Variants in ZNF217 observed in about 807,000 individuals in gnomAD.
ZNF217 encodes the protein zinc finger protein 217.
ZNF217 carries 12 observed loss-of-function variants against 73.3 expected under a neutral mutation model. The ratio of observed to expected loss-of-function variants is 0.16; its 90% CI spans 0.10 to 0.27. ZNF217 has a LOEUF of 0.27. Ranked by LOEUF, ZNF217 falls within the 10% of genes least tolerant of loss-of-function variation. The pLI is 1.00. For missense variants in ZNF217, 1,195 were observed against 1,327.8 expected, an observed-to-expected ratio of 0.90 and a Z score of 1.55; for synonymous variants, 588 against 516.4, an observed-to-expected ratio of 1.14 and a Z score of -1.88.
chr20:53,595,137 GAAAAAAAGGACAAA>G (rs1200828769), upstream of ZNF217, among the ~76,000 whole-genome samples: 1 of 148,254 alleles, frequency 6.7e-6, no homozygotes, highest in East Asian at 2.0e-4. Context: ...TTTCCTTACT[GAAAAAAAGGACAAA>G]AAAAAGATCC....
chr20:53,593,348 C>T (rs1055034456), intron 1 of ZNF217, among the ~76,000 whole-genome samples: 1 of 152,170 alleles, frequency 6.6e-6, no homozygotes, highest in African/African-American at 2.4e-5. Flanking sequence ...CGACGTTCCC[C>T]CTCCGCCCGC....
Position 53,577,098 on chromosome 20 carries a change from T to G in ZNF217, c.1666A>C (p.Asn556His). ...GCACCATCAAAAAATCTTTTCAAAT[T>G]TTTGGTTTGCGCACTGTCAGCGGTT... ...LLTADSAQTK[N>H]LKRFFDGAKD... The change falls in exon 4 of 6, where the codon AAT becomes CAT. Residue 556 changes from asparagine (N) to histidine (H), a missense_variant. Transcript: ENST00000371471. The G allele has an allele frequency of 6.2e-7, 1 of 1,614,174 alleles. No individual in the cohort carries two copies. Among genetic ancestry groups the G allele is most frequent in the Non-Finnish European group, 8.5e-7 (1 of 1,180,036 alleles).
upstream of ZNF217, among the ~76,000 whole-genome samples, chr20:53,594,474 C>G (rs998152149): frequency 6.6e-6 from 1 of 151,154 alleles, no homozygotes; most frequent in Admixed American, 6.6e-5. Flanking sequence ...GGGACGGGAG[C>G]GAGCGGCGAG....
chr20:53,587,704 TCTGGCCAATGCATTTG>T (rs1449481224), intron 1 of ZNF217, among the ~76,000 whole-genome samples: 1 of 150,794 alleles, frequency 6.6e-6, no homozygotes, highest in African/African-American at 2.4e-5. Flanking sequence ...ATTGCTATTC[TCTGGCCAATGCATTTG>T]TACCCTGAAA....
rs1445054076 is a variant in ZNF217, at chr20:53,582,344, G to A, written c.483C>T (p.Cys161=). The change falls in exon 2 of 6, where the codon TGC becomes TGT. Residue 161 remains cysteine (C), a synonymous_variant. Coordinates refer to ENST00000371471, the MANE Select transcript of ZNF217 (RefSeq NM_006526.3). The surrounding 1 kb of genome is among the most constrained non-coding windows in gnomAD (Gnocchi z 4.8). ...ACCAAGGCTCCTTGAATCTTCTTCCGCACATGTTACACCCGTAAGTGAAAG... is the reference window on the plus strand; with the variant it reads ...ACCAAGGCTCCTTGAATCTTCTTCCACACATGTTACACCCGTAAGTGAAAG... The part of the protein sequence containing the change: ...KDSFTYGCNM[C]GRRFKEPWFL... The A allele has an allele frequency of 1.9e-6, 3 of 1,612,938 alleles. No individual in the cohort carries two copies. The highest frequency in any genetic ancestry group is 1.7e-6 in the Non-Finnish European group (2 of 1,179,530).
rs968854756 is a variant in ZNF217, at chr20:53,581,234, C to A, written c.1366+227G>T. Reference sequence around the variant, plus strand: ...AAAAAATATATATATATTTTCAGAACAAGGAGACCTCTTAACTCAACCCTG... The same window carrying A: ...AAAAAATATATATATATTTTCAGAAAAAGGAGACCTCTTAACTCAACCCTG... On this transcript the variant is annotated intron_variant, in intron 2 of 5. Coordinates refer to ENST00000371471, the MANE Select transcript of ZNF217 (RefSeq NM_006526.3). This position sits in a 1 kb window ranked among gnomAD's most constrained non-coding sequence, Gnocchi z 4.9. Among the ~76,000 whole-genome samples, 1 of 151,978 alleles carries A rather than the reference C, an allele frequency of 6.6e-6. No individual in the cohort carries two copies. The highest frequency in any genetic ancestry group is 1.5e-5 in the Non-Finnish European group (1 of 68,004).
chr20:53,591,861 T>C (rs892009279), intron 1 of ZNF217, among the ~76,000 whole-genome samples: 1 of 152,192 alleles, frequency 6.6e-6, no homozygotes, highest in Admixed American at 6.5e-5. Flanking sequence ...TCTTGTTTGA[T>C]ATCAATCAAG....
At position 53,581,417 on chromosome 20, in the gene ZNF217, C is replaced by G. The variant is rs1162295806; in HGVS notation, c.1366+44G>C. 6.5e-7 allele frequency: 1 copy of G among 1,547,664 alleles called. No homozygotes were observed. Among genetic ancestry groups the G allele is most frequent in the Non-Finnish European group, 8.7e-7 (1 of 1,146,308 alleles). ...AGAGAGGGGGAGACGGGGAGACAGA[C>G]AGACACAGGCGGAACAGCACGGGAC... On this transcript the variant is annotated intron_variant, in intron 2 of 5. Transcript: ENST00000371471. This position sits in a 1 kb window ranked among gnomAD's most constrained non-coding sequence, Gnocchi z 4.9.
intron 4 of ZNF217, chr20:53,572,572 C>T (rs1988059989): frequency 6.6e-6 from 1 of 152,256 alleles, no homozygotes; most frequent in Non-Finnish European, 1.5e-5. Context: ...ACTATTTCAT[C>T]ACAATTTTTA....
chr20:53,581,476 C>G lies in ZNF217; in HGVS notation c.1351G>C (p.Glu451Gln), dbSNP rs200131894. ...GGCAGCTTACCCAGATGGATTCCTTCGGGAAGCCCATCCTCAGATCCGTCT... is the reference window on the plus strand; with the variant it reads ...GGCAGCTTACCCAGATGGATTCCTTGGGGAAGCCCATCCTCAGATCCGTCT... Reference protein sequence around the residue: ...SEDGSEDGLPEGIHLDKNDDG... With the variant: ...SEDGSEDGLPQGIHLDKNDDG... Residue 451 changes from glutamate to glutamine, a missense_variant, in exon 2 of 6, where the codon GAA (glutamate) becomes CAA (glutamine). Coordinates refer to ENST00000371471, the MANE Select transcript of ZNF217 (RefSeq NM_006526.3). The surrounding 1 kb of genome is among the most constrained non-coding windows in gnomAD (Gnocchi z 4.9). 4 of 1,608,642 alleles carry G rather than the reference C, an allele frequency of 2.5e-6. No individual in the cohort carries two copies. Among genetic ancestry groups the G allele is most frequent in the Middle Eastern group, 1.7e-4 (1 of 6,032 alleles).
rs777743745 is a variant in ZNF217, at chr20:53,581,416, ACAG to A, written c.1366+42_1366+44del. ...TAGAGAGGGGGAGACGGGGAGACAG[ACAG>A]ACACAGGCGGAACAGCACGGGACGG... On this transcript the variant is annotated intron_variant, in intron 2 of 5. Transcript: ENST00000371471. This position sits in a 1 kb window ranked among gnomAD's most constrained non-coding sequence, Gnocchi z 4.9. 5.8e-6 allele frequency: 9 copies of A among 1,546,722 alleles called. No individual in the cohort carries two copies. The highest frequency in any genetic ancestry group is 7.9e-6 in the Non-Finnish European group (9 of 1,145,806).
intron 1 of ZNF217, among the ~76,000 whole-genome samples, chr20:53,584,283 A>G (rs919338143): frequency 1.2e-4 from 18 of 152,234 alleles, no homozygotes; most frequent in African/African-American, 4.3e-4. Flanking sequence ...CAGCAAAGTA[A>G]CCTTAAAAAA....
Position 53,576,167 on chromosome 20 carries a change from A to G in ZNF217, c.2597T>C (p.Val866Ala). ...RPETKLKPLP[V>A]APSQPTLGSS... ...GCCGAGGGTGGGCTGAGAAGGAGCT[A>G]CTGGAAGAGGTTTCAATTTTGTCTC... is the stretch of plus-strand genomic sequence containing the variant. Residue 866 changes from valine (V) to alanine (A), a missense_variant, in exon 4 of 6, where the codon GTA becomes GCA. Coordinates refer to ENST00000371471, the MANE Select transcript of ZNF217 (RefSeq NM_006526.3). 1 of 1,614,220 alleles carries G rather than the reference A, an allele frequency of 6.2e-7. No individual in the cohort carries two copies. The highest frequency in any genetic ancestry group is 8.5e-7 in the Non-Finnish European group (1 of 1,180,036).
intron 4 of ZNF217, chr20:53,572,673 T>G (rs1437965556): frequency 2.0e-5 from 3 of 152,210 alleles, no homozygotes. Flanking sequence ...GACAGAGTGT[T>G]GTCACCACAC....
chr20:53,573,067 T>C (rs1219677099), intron 4 of ZNF217, among the ~76,000 whole-genome samples: 1 of 148,640 alleles, frequency 6.7e-6, no homozygotes, highest in Non-Finnish European at 1.5e-5. Context: ...CCATGGATGC[T>C]CAGGTCCCTA....
rs1364868960 is a variant in ZNF217, at chr20:53,582,202, C to G, written c.625G>C (p.Glu209Gln). ...INEVVQVHAA[E>Q]SISSPYKICM... The stretch of plus-strand genomic sequence containing the variant: ...ATTTTGTAAGGAGAGGAGATGCTCT[C>G]GGCCGCGTGCACCTGGACGACCTCG... Residue 209 changes from glutamate (E) to glutamine (Q), a missense_variant, in exon 2 of 6, where the codon GAG (glutamate) becomes CAG (glutamine). By Grantham distance (29) the Glu-to-Gln change is conservative. Transcript: ENST00000371471. The surrounding 1 kb of genome is among the most constrained non-coding windows in gnomAD (Gnocchi z 4.8). The G allele has an allele frequency of 1.2e-6, 2 of 1,613,910 alleles. No individual in the cohort carries two copies. Among genetic ancestry groups the G allele is most frequent in the Non-Finnish European group, 1.7e-6 (2 of 1,180,052 alleles).
intron 1 of ZNF217, among the ~76,000 whole-genome samples, chr20:53,590,555 C>T (rs1988842208): frequency 6.6e-6 from 1 of 152,072 alleles, no homozygotes; most frequent in Admixed American, 6.6e-5. Context: ...ATTAAAACTA[C>T]TCCAAAGTTC....
rs2145955466 is a variant in ZNF217 at position 53,581,434 on chromosome 20, G to C, written c.1366+27C>G. 1 of 1,579,680 alleles carries C rather than the reference G, an allele frequency of 6.3e-7. No individual in the cohort carries two copies. Among genetic ancestry groups the C allele is most frequent in the Non-Finnish European group, 8.6e-7 (1 of 1,160,602 alleles). On this transcript the variant is annotated intron_variant, in intron 2 of 5. Transcript: ENST00000371471. The surrounding 1 kb of genome is among the most constrained non-coding windows in gnomAD (Gnocchi z 4.9). ...GAGACAGACAGACACAGGCGGAACA[G>C]CACGGGACGGAGACAGGGCAGCTTA...
chr20:53,579,379 GAAAA>G (rs914720138), intron 2 of ZNF217, among the ~76,000 whole-genome samples: 3 of 150,738 alleles, frequency 2.0e-5, no homozygotes, highest in African/African-American at 4.9e-5. Flanking sequence ...TCTAAAGAAA[GAAAA>G]AAAAATTTAC....
Sources: allele counts gnomAD v4.1 joint callset (sites outside exome capture counted in the v4.1 genomes callset), GRCh38; gene constraint gnomAD v4.1.1; non-coding constraint Gnocchi (gnomAD v3.1); transcripts MANE v1.5; gene names NCBI Gene and HGNC (gene_info 2026-07-23, HGNC 2026-07-21).